AKAP19: variants seen among roughly 807,000 people sequenced by gnomAD.
AKAP19 encodes the protein A-kinase anchoring protein 19.
the AKAP19 span, among the ~76,000 whole-genome samples, chr2:189,942,481 A>G: frequency 6.6e-6 from 1 of 152,290 alleles, no homozygotes; most frequent in Admixed American, 6.5e-5. Flanking sequence ...AGAACAGCCT[A>G]ACACAGAAAA....
chr2:190,003,452 TAA>T, the AKAP19 span, among the ~76,000 whole-genome samples: 1 of 152,240 alleles, frequency 6.6e-6, no homozygotes, highest in African/African-American at 2.4e-5. Context: ...ATTGAATTCA[TAA>T]AATAGAATTA....
At chr2:190,014,489 C>T in the AKAP19 span, among the ~76,000 whole-genome samples, 5 of 152,168 alleles carry the variant, frequency 3.3e-5, no homozygotes, top group Non-Finnish European at 7.3e-5. Context: ...CATGTCCCTC[C>T]CTCAACATGT....
chr2:190,055,476 TAATAAAAA>T, the AKAP19 span, among the ~76,000 whole-genome samples: 11 of 152,108 alleles, frequency 7.2e-5, no homozygotes, highest in Non-Finnish European at 1.3e-4. Flanking sequence ...ACTTAAAGTA[TAATAAAAA>T]AATAAAAAAA....
the AKAP19 span, among the ~76,000 whole-genome samples, chr2:189,949,016 C>G: frequency 6.6e-6 from 1 of 151,940 alleles, no homozygotes; most frequent in Non-Finnish European, 1.5e-5. Context: ...AAGGCCTAAT[C>G]TAGGAAGTAG....
chr2:189,997,376 T>G, the AKAP19 span, among the ~76,000 whole-genome samples: 1 of 152,262 alleles, frequency 6.6e-6, no homozygotes, highest in Middle Eastern at 3.4e-3. Context: ...GATCAGGTAC[T>G]GGGGCAGGTA....
the AKAP19 span, among the ~76,000 whole-genome samples, chr2:190,041,432 T>C: frequency 6.6e-6 from 1 of 152,292 alleles, no homozygotes; most frequent in Admixed American, 6.5e-5. Flanking sequence ...GACTATGAGA[T>C]TTTCTAGATA....
the AKAP19 span, among the ~76,000 whole-genome samples, chr2:190,050,827 C>T: frequency 2.0e-5 from 3 of 152,114 alleles, no homozygotes; most frequent in Non-Finnish European, 4.4e-5. Context: ...TTTTGTGATG[C>T]CCTCCCTCAT....
At chr2:190,185,474 A>G in the AKAP19 span, among the ~76,000 whole-genome samples, 1 of 152,176 alleles carries the variant, frequency 6.6e-6, no homozygotes, top group Non-Finnish European at 1.5e-5. Flanking sequence ...TTTCTTTACT[A>G]GTTGGTCAGA....
chr2:189,921,672 A>G, the AKAP19 span, among the ~76,000 whole-genome samples: 1 of 152,206 alleles, frequency 6.6e-6, no homozygotes, highest in Non-Finnish European at 1.5e-5. Flanking sequence ...ATGTTTCAAT[A>G]GAGAGGGAGT....
the AKAP19 span, among the ~76,000 whole-genome samples, chr2:190,127,037 A>G: frequency 9.3e-3 from 1,413 of 152,242 alleles, 25 homozygotes; most frequent in African/African-American, 0.032. Context: ...AGAGGGATGT[A>G]GAGCTGTAAA....
At chr2:189,919,043 A>G in the AKAP19 span, among the ~76,000 whole-genome samples, 1 of 152,226 alleles carries the variant, frequency 6.6e-6, no homozygotes, top group Non-Finnish European at 1.5e-5. Flanking sequence ...TAAGTTTTAA[A>G]TTTTGGCACA....
At chr2:190,066,154 A>G in the AKAP19 span, among the ~76,000 whole-genome samples, 1 of 152,122 alleles carries the variant, frequency 6.6e-6, no homozygotes. Context: ...GCAGTATCTC[A>G]CAAGACTGGT....
chr2:189,929,288 C>G, the AKAP19 span, among the ~76,000 whole-genome samples: 2 of 152,016 alleles, frequency 1.3e-5, no homozygotes, highest in African/African-American at 4.8e-5. Flanking sequence ...TGCTATGGTT[C>G]AAGACAAGAG....
At chr2:190,150,429 C>A in the AKAP19 span, 1 of 152,230 alleles carries the variant, frequency 6.6e-6, no homozygotes, top group East Asian at 1.9e-4. Context: ...ACTCGGCTCT[C>A]CAAATTGACT....
the AKAP19 span, among the ~76,000 whole-genome samples, chr2:189,992,304 C>T: frequency 6.6e-6 from 1 of 152,102 alleles, no homozygotes; most frequent in African/African-American, 2.4e-5. Flanking sequence ...GATCCACCTG[C>T]CTCAGCCTCC....
At chr2:190,000,634 G>A in the AKAP19 span, among the ~76,000 whole-genome samples, 1 of 152,180 alleles carries the variant, frequency 6.6e-6, no homozygotes, top group African/African-American at 2.4e-5. Flanking sequence ...ATTAATGAAG[G>A]TTAGTTCTGT....
At chr2:189,975,285 C>T in the AKAP19 span, among the ~76,000 whole-genome samples, 4 of 152,274 alleles carry the variant, frequency 2.6e-5, no homozygotes, top group African/African-American at 9.6e-5. Context: ...AAATTCTTTT[C>T]TTTAAGAATG....
chr2:189,973,061 A>G, the AKAP19 span, among the ~76,000 whole-genome samples: 6 of 152,122 alleles, frequency 3.9e-5, no homozygotes, highest in African/African-American at 7.2e-5. Context: ...GTCTTGTGCT[A>G]GTTTTCAAAG....
the AKAP19 span, chr2:190,189,890 A>C: frequency 1.3e-5 from 2 of 152,234 alleles, no homozygotes; most frequent in African/African-American, 2.4e-5. Flanking sequence ...GATTATGACC[A>C]CTGAGTTGGG....
Sources: gnomAD v4.1 joint callset for allele counts (sites outside exome capture counted in the v4.1 genomes callset) on GRCh38, gnomAD v4.1.1 for gene constraint, MANE v1.5 for transcripts, NCBI Gene and HGNC (gene_info 2026-07-23, HGNC 2026-07-21) for gene names.